The following STAG1 variants were observed in gnomAD, a reference collection of about 807,000 sequenced individuals.
STAG1 encodes cohesin subunit SA-1.
STAG1 carries 26 observed loss-of-function variants against 170.9 expected under a neutral mutation model. The ratio of observed to expected loss-of-function variants is 0.15; its 90% CI spans 0.11 to 0.21. The LOEUF (loss-of-function observed/expected upper bound fraction) is 0.21. STAG1 is among the 10% of genes least tolerant of loss of function. The pLI, the probability that STAG1 is intolerant of heterozygous loss-of-function variation, is 1.00. For missense variants in STAG1, 964 were observed against 1,509.5 expected, an observed-to-expected ratio of 0.64 and a Z score of 5.99; for synonymous variants, 514 against 497.7, an observed-to-expected ratio of 1.03 and a Z score of -0.44.
chr3:136,639,995 A>G (rs1436500208), intron 1 of STAG1, among the ~76,000 whole-genome samples: 1 of 152,056 alleles, frequency 6.6e-6, no homozygotes, highest in Non-Finnish European at 1.5e-5. Flanking sequence ...TATCTAATCA[A>G]CCCCCTTTCC....
At chr3:136,338,539 T>C in intron 32 of STAG1, 89 bp from the exon 33 acceptor site, 3 of 931,186 alleles carry the variant, frequency 3.2e-6, no homozygotes, top group Non-Finnish European at 5.2e-6. Context: ...GACAGTATCA[T>C]AAATATATGG....
At chr3:136,521,447 A>G in intron 6 of STAG1, 30 bp from the exon 7 acceptor site, 3 of 1,594,654 alleles carry the variant, frequency 1.9e-6, no homozygotes, top group South Asian at 1.1e-5. Context: ...CATATTAAGT[A>G]TGTCACATTA....
intron 6 of STAG1, among the ~76,000 whole-genome samples, chr3:136,531,442 T>C (rs1423155909): frequency 1.3e-5 from 2 of 150,360 alleles, no homozygotes; most frequent in Admixed American, 6.6e-5. Flanking sequence ...ATCATGCTGC[T>C]ATAAAGACAC....
Position 136,479,605 on chromosome 3 carries a change from G to T in STAG1, c.903-2193C>A, listed in dbSNP as rs1381601528. On this transcript the variant is annotated intron_variant, in intron 9 of 33. Transcript: ENST00000383202. ...TGGGTATATATCCAGTAACGGGATGGCTGGGTCAAATGGTATTTCTAGTTC... is the reference window on the plus strand; with the variant it reads ...TGGGTATATATCCAGTAACGGGATGTCTGGGTCAAATGGTATTTCTAGTTC... Among the ~76,000 whole-genome samples the T allele has an allele frequency of 3.3e-5, 2 of 60,848 alleles. 1 individual carries two copies. Among genetic ancestry groups the T allele is most frequent in the Non-Finnish European group, 7.2e-5 (2 of 27,846 alleles). The allele number at this position is 60,848 out of a possible 152,430, so 39.9% of individuals were successfully genotyped here. A position where few individuals can be genotyped will look rare whatever the true frequency, so the allele number is the denominator to read the frequency against.
At chr3:136,558,999 G>A (rs1428561298) in intron 5 of STAG1, among the ~76,000 whole-genome samples, 15 of 152,154 alleles carry the variant, frequency 9.9e-5, no homozygotes, top group Admixed American at 9.2e-4. Context: ...ACAACTGGAG[G>A]AGAGGGAGAA....
At chr3:136,452,903 C>T (rs953389795) in intron 13 of STAG1, among the ~76,000 whole-genome samples, 8 of 152,086 alleles carry the variant, frequency 5.3e-5, no homozygotes, top group Non-Finnish European at 1.2e-4. Context: ...AATTCTCCTG[C>T]CTCAGCCTTC....
rs371862682 is a variant in STAG1 at position 136,591,477 on chromosome 3, G to A, written c.297+12832C>T. Reference sequence around the variant, plus strand: ...CCCAGCTACTCGAGAGGCTCAGGCCGGGGAGGATCACTTGGGCCCAGAAGT... The same window carrying A: ...CCCAGCTACTCGAGAGGCTCAGGCCAGGGAGGATCACTTGGGCCCAGAAGT... On this transcript the variant is annotated intron_variant, in intron 4 of 33. Transcript: ENST00000383202. 2.6e-3 allele frequency: 1,010 copies of A among 384,136 alleles called. 20 individuals are homozygous for A. Among genetic ancestry groups the A allele is most frequent in the South Asian group, 0.018 (905 of 51,086 alleles). 23.8% of individuals were successfully genotyped at this position (384,136 alleles called of 1,614,324 possible). A position where few individuals can be genotyped will look rare whatever the true frequency, so the allele number is the denominator to read the frequency against.
intron 4 of STAG1, among the ~76,000 whole-genome samples, chr3:136,571,772 T>C (rs1031045381): frequency 6.6e-6 from 1 of 151,982 alleles, no homozygotes; most frequent in African/African-American, 2.4e-5. Context: ...TCCCAGCCAC[T>C]TGGAAAGCTG....
chr3:136,723,064 T>A (rs1933396881), intron 1 of STAG1, among the ~76,000 whole-genome samples: 1 of 152,226 alleles, frequency 6.6e-6, no homozygotes, highest in African/African-American at 2.4e-5. Flanking sequence ...CCCAGCCGCC[T>A]GCCTTGGCCT....
chr3:136,502,379 C>T (rs912086543), intron 8 of STAG1, among the ~76,000 whole-genome samples: 2 of 152,088 alleles, frequency 1.3e-5, no homozygotes, highest in African/African-American at 4.8e-5. Context: ...GCCTTATAAC[C>T]TTTTTGAGTT....
chr3:136,525,061 T>A (rs1229036582), intron 6 of STAG1, among the ~76,000 whole-genome samples: 2 of 151,992 alleles, frequency 1.3e-5, no homozygotes, highest in Admixed American at 6.6e-5. Context: ...GTTCTCTTTT[T>A]TTGTTATGTC....
chr3:136,494,444 C>T (rs992264565), intron 9 of STAG1, among the ~76,000 whole-genome samples: 1 of 152,068 alleles, frequency 6.6e-6, no homozygotes, highest in Non-Finnish European at 1.5e-5. Context: ...TTTCAGAAAA[C>T]AGAGCAGGAA....
chr3:136,613,561 A>G (rs1205914969), intron 3 of STAG1, among the ~76,000 whole-genome samples: 1 of 152,092 alleles, frequency 6.6e-6, no homozygotes, highest in African/African-American at 2.4e-5. Context: ...ATCTCAGCTC[A>G]CTGCAACCTC....
At chr3:136,599,782 T>G (rs1228566753) in intron 4 of STAG1, among the ~76,000 whole-genome samples, 4 of 152,234 alleles carry the variant, frequency 2.6e-5, no homozygotes, top group African/African-American at 9.6e-5. Context: ...TTTAAGAATT[T>G]ACTTTCAATT....
chr3:136,611,153 A>AT lies in STAG1; in HGVS notation c.133-6681dup, dbSNP rs1163830048. On this transcript the variant is annotated intron_variant, in intron 3 of 33. Transcript: ENST00000383202. ...CACAGCCTGAAAGGAATTTTACATAATTTTTTTTTCTTTTAGACACAGTTT... is the reference window on the plus strand; with the variant it reads ...CACAGCCTGAAAGGAATTTTACATAATTTTTTTTTTCTTTTAGACACAGTTT... 8.6e-5 allele frequency among the ~76,000 whole-genome samples: 13 copies of AT among 151,544 alleles called. No individual in the cohort carries two copies. In the South Asian group the frequency reaches 1.7e-3, roughly 20 times the overall value.
chr3:136,615,514 C>T (rs755851407), intron 3 of STAG1, among the ~76,000 whole-genome samples: 6 of 150,536 alleles, frequency 4.0e-5, no homozygotes, highest in Non-Finnish European at 7.4e-5. Flanking sequence ...GTCGGTGGCT[C>T]ACGCCTGTAA....
At chr3:136,733,018 G>A (rs1934129510) in intron 1 of STAG1, among the ~76,000 whole-genome samples, 1 of 150,872 alleles carries the variant, frequency 6.6e-6, no homozygotes, top group Non-Finnish European at 1.5e-5. Context: ...ATTACGATAT[G>A]TCTTTTAAGA....
chr3:136,626,960 G>A (rs1418331282), intron 2 of STAG1, among the ~76,000 whole-genome samples: 1 of 152,126 alleles, frequency 6.6e-6, no homozygotes, highest in Non-Finnish European at 1.5e-5. Flanking sequence ...TATTTATCTT[G>A]TGTGGACAAA....
At chr3:136,721,456 A>T (rs1338521027) in intron 1 of STAG1, 1 of 152,192 alleles carries the variant, frequency 6.6e-6, no homozygotes, top group East Asian at 1.9e-4. Flanking sequence ...TAATCTCTAT[A>T]TGGTTCCCAT....
Sources: allele counts gnomAD v4.1 joint callset (sites outside exome capture counted in the v4.1 genomes callset), GRCh38; gene constraint gnomAD v4.1.1; transcripts MANE v1.5; gene names NCBI Gene and HGNC (gene_info 2026-07-23, HGNC 2026-07-21).